Variants in ADCY2 observed in about 807,000 individuals in gnomAD.
ADCY2 encodes the protein adenylate cyclase 2, also known as adenylate cyclase type 2.
ADCY2 carries 31 observed loss-of-function variants against 125.2 expected under a neutral mutation model. That is an observed-to-expected ratio of 0.25 (90% CI 0.19 to 0.33). The LOEUF (loss-of-function observed/expected upper bound fraction) is 0.33. ADCY2 is among the 10% of genes least tolerant of loss of function. The pLI is 1.00. For synonymous variants in ADCY2, 512 were observed against 548.4 expected (o/e 0.93, Z 0.93); for missense variants, 904 against 1,418.2 (o/e 0.64, Z 5.82).
chr5:7,693,413 G>GTTTTGTTTTTTTTTTT lies in ADCY2; in HGVS notation c.870-2335_870-2334insGTTTTTTTTTTTTTTT, dbSNP rs1740779550. Among the ~76,000 whole-genome samples, 5 of 32,422 alleles carry GTTTTGTTTTTTTTTTT rather than the reference G, an allele frequency of 1.5e-4. No homozygotes were observed. The East Asian group carries it at 7.1e-3, about 46-fold the overall frequency. The allele number at this position is 32,422 out of a possible 152,430, so 21.3% of individuals were successfully genotyped here. On this transcript the variant is annotated intron_variant, in intron 5 of 24. Transcript: ENST00000338316. The stretch of plus-strand genomic sequence containing the variant: ...GCATCACAATTGCCTGCTGTTTTTT[G>GTTTTGTTTTTTTTTTT]TTTTTTTTTTTTTTTTTTTTTTTGA...
At chr5:7,573,503 T>A (rs1736129831) in intron 3 of ADCY2, among the ~76,000 whole-genome samples, 1 of 151,940 alleles carries the variant, frequency 6.6e-6, no homozygotes, top group Non-Finnish European at 1.5e-5. Context: ...CATGATTATT[T>A]ATATACATTA....
At chr5:7,503,234 A>G (rs1216106039) in intron 2 of ADCY2, among the ~76,000 whole-genome samples, 1 of 152,190 alleles carries the variant, frequency 6.6e-6, no homozygotes, top group Non-Finnish European at 1.5e-5. Context: ...TGTCAGTCTC[A>G]TATAAGTGCT....
At chr5:7,403,951 C>T (rs577977850) in intron 1 of ADCY2, among the ~76,000 whole-genome samples, 1 of 151,834 alleles carries the variant, frequency 6.6e-6, no homozygotes, top group South Asian at 2.1e-4. Context: ...CACACACACA[C>T]ACACACACAC....
chr5:7,668,474 T>G (rs1208812431), intron 4 of ADCY2, among the ~76,000 whole-genome samples: 1 of 152,266 alleles, frequency 6.6e-6, no homozygotes, highest in Non-Finnish European at 1.5e-5. Flanking sequence ...ACATCCTATT[T>G]TTTCTGTTTC....
intron 3 of ADCY2, among the ~76,000 whole-genome samples, chr5:7,606,941 C>T (rs187364686): frequency 6.6e-6 from 1 of 152,224 alleles, no homozygotes. Flanking sequence ...CCATTCCCAC[C>T]CCTGTTCTTA....
chr5:7,447,095 T>A (rs1020143814), intron 2 of ADCY2, among the ~76,000 whole-genome samples: 1 of 152,140 alleles, frequency 6.6e-6, no homozygotes, highest in Admixed American at 6.5e-5. Context: ...GTCATCACTC[T>A]TTCCCTTAGT....
chr5:7,694,627 C>G (rs1399833058), intron 5 of ADCY2, among the ~76,000 whole-genome samples: 1 of 152,196 alleles, frequency 6.6e-6, no homozygotes, highest in Admixed American at 6.5e-5. Context: ...TAAAGGCTGC[C>G]TGATATTCCA....
chr5:7,532,117 C>T (rs1734669493), intron 3 of ADCY2, among the ~76,000 whole-genome samples: 1 of 152,182 alleles, frequency 6.6e-6, no homozygotes, highest in Admixed American at 6.5e-5. Context: ...AGTGAAGAAA[C>T]ATATGGGAAT....
chr5:7,451,169 A>G (rs1310990555), intron 2 of ADCY2, among the ~76,000 whole-genome samples: 2 of 152,238 alleles, frequency 1.3e-5, no homozygotes, highest in East Asian at 3.8e-4. Context: ...ATAAGGCTAT[A>G]GATGCCATAG....
At chr5:7,822,334 T>G (rs10475395) in intron 24 of ADCY2, among the ~76,000 whole-genome samples, 82,992 of 152,022 alleles carry the variant, frequency 0.55, 23,046 homozygotes, top group Middle Eastern at 0.64. Context: ...CCAAATCCAC[T>G]TAATATATTT....
chr5:7,733,459 C>T (rs1301908766), intron 14 of ADCY2, among the ~76,000 whole-genome samples: 1 of 152,004 alleles, frequency 6.6e-6, no homozygotes, highest in Non-Finnish European at 1.5e-5. Flanking sequence ...AAAATGCTGC[C>T]ATTTACACAG....
chr5:7,582,972 A>G lies in ADCY2; in HGVS notation c.571-43195A>G, dbSNP rs913099486. Among the ~76,000 whole-genome samples the G allele has an allele frequency of 3.6e-4, 55 of 152,138 alleles. 1 individual carries two copies. The highest frequency in any genetic ancestry group is 1.3e-4 in the Admixed American group (2 of 15,278). ...ATTCTAAGAATTTGATTAAGCAACT[A>G]GTAGAATTAATATGCAAGTGTAGCA... On this transcript the variant is annotated intron_variant, in intron 3 of 24. Coordinates refer to ENST00000338316, the MANE Select transcript of ADCY2 (RefSeq NM_020546.3).
At chr5:7,601,157 G>A (rs1248969426) in intron 3 of ADCY2, among the ~76,000 whole-genome samples, 1 of 152,150 alleles carries the variant, frequency 6.6e-6, no homozygotes, top group Non-Finnish European at 1.5e-5. Context: ...GTGAAGGACG[G>A]AGCCACGTGG....
intron 2 of ADCY2, among the ~76,000 whole-genome samples, chr5:7,508,449 T>C (rs1472914330): frequency 6.6e-6 from 1 of 152,184 alleles, no homozygotes; most frequent in Non-Finnish European, 1.5e-5. Flanking sequence ...AGAATTTGGT[T>C]TGGGTCCAGA....
At chr5:7,694,458 T>C (rs915868119) in intron 5 of ADCY2, among the ~76,000 whole-genome samples, 3 of 152,096 alleles carry the variant, frequency 2.0e-5, no homozygotes, top group Non-Finnish European at 4.4e-5. Context: ...CTCCCCCAAG[T>C]CCCAGGAAAC....
At position 7,396,461 on chromosome 5, in the gene ADCY2, G is replaced by A. The variant is rs1739042456; in HGVS notation, c.165G>A (p.Met55Ile). The A allele has an allele frequency of 1.3e-6, 2 of 1,576,892 alleles. No homozygotes were observed. Among genetic ancestry groups the A allele is most frequent in the Non-Finnish European group, 8.6e-7 (1 of 1,161,976 alleles). The change falls in exon 1 of 25, where the codon ATG becomes ATA. Residue 55 changes from methionine (M) to isoleucine (I), a missense_variant. By Grantham distance (10) the Met-to-Ile change is conservative. Transcript: ENST00000338316. This position sits in a 1 kb window ranked among gnomAD's most constrained non-coding sequence, Gnocchi z 5.7. ...TCGTCTTCCTGCTGCTCATCGTCATGGGCTCCTGCCTCGCCCTGCTCGCCG... is the reference window on the plus strand; with the variant it reads ...TCGTCTTCCTGCTGCTCATCGTCATAGGCTCCTGCCTCGCCCTGCTCGCCG... ...PLIVFLLLIV[M>I]GSCLALLAVF...
chr5:7,484,905 C>T (rs145915769), intron 2 of ADCY2, among the ~76,000 whole-genome samples: 32 of 152,302 alleles, frequency 2.1e-4, no homozygotes, highest in African/African-American at 7.7e-4. Context: ...CCTCTCTTCT[C>T]ATTGATAACA....
At chr5:7,643,316 G>C (rs1157448674) in intron 4 of ADCY2, among the ~76,000 whole-genome samples, 1 of 152,006 alleles carries the variant, frequency 6.6e-6, no homozygotes, top group Non-Finnish European at 1.5e-5. Context: ...CAGTAATACT[G>C]TTGGGACGTA....
rs145461987 is a variant in ADCY2 at position 7,418,845 on chromosome 5, G to A, written c.408+4075G>A. Among the ~76,000 whole-genome samples, 121 of 151,644 alleles carry A rather than the reference G, an allele frequency of 8.0e-4. 1 individual carries two copies. The East Asian group carries it at 0.02, about 25-fold the overall frequency. Reference sequence around the variant, plus strand: ...TAATTTTTGTATTTTTAATAGAGACGGGTTTCACCATATTGGTCAGGCTGG... The same window carrying A: ...TAATTTTTGTATTTTTAATAGAGACAGGTTTCACCATATTGGTCAGGCTGG... On this transcript the variant is annotated intron_variant, in intron 2 of 24. Coordinates refer to ENST00000338316, the MANE Select transcript of ADCY2 (RefSeq NM_020546.3).
Sources: gnomAD v4.1 joint callset for allele counts (sites outside exome capture counted in the v4.1 genomes callset) on GRCh38, gnomAD v4.1.1 for gene constraint, Gnocchi (gnomAD v3.1) non-coding constraint, MANE v1.5 for transcripts, NCBI Gene and HGNC (gene_info 2026-07-23, HGNC 2026-07-21) for gene names.